The following AK8 variants were observed in gnomAD, a reference collection of about 807,000 sequenced individuals.
The protein encoded by AK8 is adenylate kinase 8, also known as ATP-AMP transphosphorylase 8.
In AK8, 44 loss-of-function variants were observed where a neutral mutation model predicts 54.6. The ratio of observed to expected loss-of-function variants is 0.81; its 90% CI spans 0.63 to 1.04. The LOEUF is 1.04. Ranked by LOEUF, AK8 falls within the 50% of genes least tolerant of loss-of-function variation. The pLI is 0.00. For synonymous variants in AK8, 239 were observed against 245.6 expected (o/e 0.97, Z 0.25); for missense variants, 555 against 613.6 (o/e 0.90, Z 1.01).
chr9:132,787,030 G>A (rs905650293), intron 11 of AK8, among the ~76,000 whole-genome samples: 4 of 151,978 alleles, frequency 2.6e-5, no homozygotes, highest in African/African-American at 9.7e-5. Context: ...TGTTGGAAGA[G>A]AAAGTTGAGG....
chr9:132,805,220 A>G (rs1840663254), intron 10 of AK8, among the ~76,000 whole-genome samples: 1 of 152,200 alleles, frequency 6.6e-6, no homozygotes, highest in Non-Finnish European at 1.5e-5. Context: ...AGCTCTGGTC[A>G]GAGCAAGGAT....
intron 10 of AK8, among the ~76,000 whole-genome samples, chr9:132,801,984 C>T (rs555255819): frequency 2.3e-4 from 35 of 152,190 alleles, no homozygotes; most frequent in African/African-American, 7.0e-4. Context: ...AGCACTGTGA[C>T]GATGAGGACT....
At chr9:132,736,784 CAAA>C (rs201150328) in intron 11 of AK8, among the ~76,000 whole-genome samples, 3 of 66,228 alleles carry the variant, frequency 4.5e-5, no homozygotes, top group Admixed American at 1.7e-4. Flanking sequence ...GAATCCATCT[CAAA>C]AAAAAAAAAA....
At chr9:132,847,982 G>A (rs1244053368) in intron 5 of AK8, among the ~76,000 whole-genome samples, 2 of 152,078 alleles carry the variant, frequency 1.3e-5, no homozygotes, top group Non-Finnish European at 2.9e-5. Flanking sequence ...TGGGCATGGT[G>A]GCATGTGCCT....
intron 10 of AK8, among the ~76,000 whole-genome samples, chr9:132,804,272 C>G (rs1028355803): frequency 6.6e-6 from 1 of 152,182 alleles, no homozygotes; most frequent in Non-Finnish European, 1.5e-5. Flanking sequence ...TGCTCTTCCA[C>G]TAAACTAGCT....
chr9:132,796,397 C>G (rs989236051), intron 10 of AK8, among the ~76,000 whole-genome samples: 1 of 152,196 alleles, frequency 6.6e-6, no homozygotes, highest in Non-Finnish European at 1.5e-5. Context: ...CAACTTGCAT[C>G]AAAATTTAAA....
At chr9:132,809,985 G>A (rs1161143973) in intron 10 of AK8, among the ~76,000 whole-genome samples, 1 of 152,254 alleles carries the variant, frequency 6.6e-6, no homozygotes, top group East Asian at 1.9e-4. Flanking sequence ...AGCTGGCGGT[G>A]AAGTGGGTCC....
At chr9:132,727,045 G>A (rs941493171) in intron 12 of AK8, among the ~76,000 whole-genome samples, 1 of 152,068 alleles carries the variant, frequency 6.6e-6, no homozygotes, top group Admixed American at 6.5e-5. Flanking sequence ...TCTACCTCCT[G>A]TAACTATGGG....
intron 2 of AK8, among the ~76,000 whole-genome samples, chr9:132,869,760 A>G (rs909942126): frequency 3.9e-5 from 6 of 152,198 alleles, no homozygotes; most frequent in Non-Finnish European, 7.3e-5. Flanking sequence ...GTCAGGTGAG[A>G]GGACGAGGTG....
At chr9:132,751,191 C>T (rs1837905073) in intron 11 of AK8, among the ~76,000 whole-genome samples, 1 of 151,598 alleles carries the variant, frequency 6.6e-6, no homozygotes, top group Admixed American at 6.6e-5. Context: ...CAAGACCAGC[C>T]CGGCCAACAT....
chr9:132,814,627 A>G lies in AK8; in HGVS notation c.979+11T>C. 1 of 1,613,462 alleles carries G rather than the reference A, an allele frequency of 6.2e-7. No individual in the cohort carries two copies. The highest frequency in any genetic ancestry group is 8.5e-7 in the Non-Finnish European group (1 of 1,179,604). On this transcript the variant is annotated intron_variant, in intron 10 of 12. Coordinates refer to ENST00000298545, the MANE Select transcript of AK8 (RefSeq NM_152572.3). Reference sequence around the variant, plus strand: ...TGTAAGGTCATGACAGTTAGTGGGAACGTGGCCTACCTGCCATCTCCTTTT... The same window carrying G: ...TGTAAGGTCATGACAGTTAGTGGGAGCGTGGCCTACCTGCCATCTCCTTTT...
intron 10 of AK8, among the ~76,000 whole-genome samples, chr9:132,794,366 C>T (rs78184212): frequency 0.014 from 2,128 of 152,250 alleles, 53 homozygotes; most frequent in African/African-American, 0.049. Flanking sequence ...ATCTTGCCAG[C>T]TTGCACCTCC....
At position 132,791,766 on chromosome 9, in the gene AK8, G is replaced by A. The variant is rs780158854; in HGVS notation, c.1121+868C>T. On this transcript the variant is annotated intron_variant, in intron 11 of 12. Transcript: ENST00000298545. This position sits in a 1 kb window ranked among gnomAD's most constrained non-coding sequence, Gnocchi z 4.0. ...ACCCACAACCTGCAGCAACCTGCCC[G>A]GGGTGTCAGACCACAATCTCTGCAG... Among the ~76,000 whole-genome samples, 32 of 152,186 alleles carry A rather than the reference G, an allele frequency of 2.1e-4. No individual in the cohort carries two copies. Among genetic ancestry groups the A allele is most frequent in the Non-Finnish European group, 2.9e-4 (20 of 68,040 alleles).
intron 1 of AK8, chr9:132,877,803 C>G (rs1328319050): frequency 5.3e-5 from 27 of 507,872 alleles, no homozygotes. Flanking sequence ...TAATTGTCAG[C>G]GCCGGGAGAG....
At chr9:132,796,218 G>C (rs1840167325) in intron 10 of AK8, among the ~76,000 whole-genome samples, 1 of 152,194 alleles carries the variant, frequency 6.6e-6, no homozygotes, top group Non-Finnish European at 1.5e-5. Context: ...TTACCCAATG[G>C]CCTGGAGCCC....
At chr9:132,858,580 C>T (rs1006966307) in intron 4 of AK8, among the ~76,000 whole-genome samples, 1 of 152,212 alleles carries the variant, frequency 6.6e-6, no homozygotes, top group Non-Finnish European at 1.5e-5. Context: ...GACCCCCACA[C>T]CCCCCTTCTC....
intron 1 of AK8, among the ~76,000 whole-genome samples, chr9:132,877,057 C>A (rs974745668): frequency 1.3e-5 from 2 of 152,124 alleles, no homozygotes; most frequent in Non-Finnish European, 2.9e-5. Context: ...CAGTGCAAGA[C>A]CCTGTTTCAA....
At chr9:132,839,236 G>C (rs760285797) in intron 5 of AK8, among the ~76,000 whole-genome samples, 1 of 152,196 alleles carries the variant, frequency 6.6e-6, no homozygotes, top group Non-Finnish European at 1.5e-5. Flanking sequence ...GAGCCACCAC[G>C]CCCAGCTGAT....
At chr9:132,784,551 G>A (rs2131140535) in intron 11 of AK8, among the ~76,000 whole-genome samples, 1 of 151,812 alleles carries the variant, frequency 6.6e-6, no homozygotes, top group South Asian at 2.1e-4. Flanking sequence ...AAGGAAGGAA[G>A]AGAGAAAGAA....
Sources: allele counts gnomAD v4.1 joint callset (sites outside exome capture counted in the v4.1 genomes callset), GRCh38; gene constraint gnomAD v4.1.1; non-coding constraint Gnocchi (gnomAD v3.1); transcripts MANE v1.5; gene names NCBI Gene and HGNC (gene_info 2026-07-23, HGNC 2026-07-21).